Variants in ADAMTSL3 observed in about 807,000 individuals in gnomAD.
ADAMTSL3 encodes ADAMTS like 3.
ADAMTSL3 carries 128 observed loss-of-function variants against 201.7 expected under a neutral mutation model. The observed-to-expected ratio is 0.63, with a 90% CI of 0.55 to 0.73. The LOEUF (loss-of-function observed/expected upper bound fraction) is 0.73. ADAMTSL3 is among the 30% of genes least tolerant of loss of function. The pLI, the probability that ADAMTSL3 is intolerant of heterozygous loss-of-function variation, is 0.00. For missense variants in ADAMTSL3, 1,990 were observed against 2,119.6 expected (o/e 0.94, Z 1.20); for synonymous variants, 738 against 748.4 (o/e 0.99, Z 0.23).
At chr15:83,954,346 A>G (rs1262736337) in intron 19 of ADAMTSL3, among the ~76,000 whole-genome samples, 5 of 152,186 alleles carry the variant, frequency 3.3e-5, no homozygotes, top group Non-Finnish European at 7.4e-5. Context: ...CAGTATGTCA[A>G]TTGTATTTTT....
chr15:83,676,314 T>G (rs2061404555), intron 2 of ADAMTSL3, among the ~76,000 whole-genome samples: 1 of 152,192 alleles, frequency 6.6e-6, no homozygotes, highest in African/African-American at 2.4e-5. Flanking sequence ...TATTAAACAA[T>G]ATTTTTAAGC....
At chr15:83,927,093 A>G (rs889649271) in intron 17 of ADAMTSL3, among the ~76,000 whole-genome samples, 1 of 150,918 alleles carries the variant, frequency 6.6e-6, no homozygotes, top group South Asian at 2.1e-4. Context: ...GAGTTCTACA[A>G]TCCATAAATC....
chr15:83,682,164 G>A (rs2061484563), intron 2 of ADAMTSL3, among the ~76,000 whole-genome samples: 1 of 152,112 alleles, frequency 6.6e-6, no homozygotes, highest in Non-Finnish European at 1.5e-5. Flanking sequence ...TATGTAGCAG[G>A]CTTCTCTGTA....
At chr15:83,689,310 C>T (rs2061582261) in intron 2 of ADAMTSL3, among the ~76,000 whole-genome samples, 1 of 152,084 alleles carries the variant, frequency 6.6e-6, no homozygotes, top group Non-Finnish European at 1.5e-5. Context: ...AGTATCAATA[C>T]CTGTGAAGCT....
chr15:84,013,030 G>T (rs765524), intron 23 of ADAMTSL3, among the ~76,000 whole-genome samples: 24,554 of 152,150 alleles, frequency 0.16, 2,586 homozygotes, highest in Middle Eastern at 0.35. Flanking sequence ...TCTTTGAATA[G>T]AAATTTAGTC....
At chr15:83,831,798 G>A (rs1269188940) in intron 6 of ADAMTSL3, among the ~76,000 whole-genome samples, 1 of 152,170 alleles carries the variant, frequency 6.6e-6, no homozygotes, top group Non-Finnish European at 1.5e-5. Context: ...TGGGAGCCCA[G>A]ACTGGGAACA....
chr15:83,766,457 A>G (rs1403698000), intron 3 of ADAMTSL3, among the ~76,000 whole-genome samples: 1 of 152,246 alleles, frequency 6.6e-6, no homozygotes, highest in Admixed American at 6.5e-5. Flanking sequence ...GCAGAAGTGT[A>G]GCTCTACTTG....
chr15:83,943,184 A>T, intron 19 of ADAMTSL3, 102 bp downstream of exon 19: 2 of 1,355,160 alleles, frequency 1.5e-6, no homozygotes, highest in Non-Finnish European at 2.0e-6. Context: ...CTGTGAGATG[A>T]GTATGGGTCC....
At chr15:84,018,475 A>G (rs983231890) in intron 25 of ADAMTSL3, among the ~76,000 whole-genome samples, 2 of 152,348 alleles carry the variant, frequency 1.3e-5, no homozygotes, top group South Asian at 2.1e-4. Context: ...GGTAAGGGCT[A>G]TGAGATACAC....
intron 16 of ADAMTSL3, 49 bp from the exon 17 acceptor site, chr15:83,923,855 A>T (rs2066193947): frequency 6.2e-7 from 1 of 1,605,550 alleles, no homozygotes; most frequent in Non-Finnish European, 8.5e-7. Flanking sequence ...TTTTTTCCAC[A>T]ATAAATTATT....
At chr15:83,821,652 A>T (rs2063868464) in intron 6 of ADAMTSL3, among the ~76,000 whole-genome samples, 1 of 152,050 alleles carries the variant, frequency 6.6e-6, no homozygotes, top group Admixed American at 6.6e-5. Flanking sequence ...CTTTCTACAC[A>T]GACACGGCAA....
chr15:83,740,003 C>T (rs1428532173), intron 3 of ADAMTSL3: 2 of 413,146 alleles, frequency 4.8e-6, no homozygotes, highest in Non-Finnish European at 1.0e-5. Flanking sequence ...GAACCCATGG[C>T]TGTTGACAGA....
rs1364480548 is a variant in ADAMTSL3 at position 83,690,488 on chromosome 15, C to A, written c.70-13901C>A. On this transcript the variant is annotated intron_variant, in intron 2 of 29. Transcript: ENST00000286744. ...CCCTGTTGTTCTAGAAGATCTGTTC[C>A]TCTGTCCTCTCCATTTTTCTGGCTA... 2.0e-5 allele frequency among the ~76,000 whole-genome samples: 3 copies of A among 152,184 alleles called. No homozygotes were observed. In the East Asian group the frequency reaches 5.8e-4, roughly 29 times the overall value.
At chr15:83,706,644 C>A (rs1337664477) in intron 3 of ADAMTSL3, among the ~76,000 whole-genome samples, 1 of 151,880 alleles carries the variant, frequency 6.6e-6, no homozygotes, top group African/African-American at 2.4e-5. Flanking sequence ...CCTCTTTTTT[C>A]TTTTCTTTTT....
chr15:83,913,764 C>T (rs1037118367), intron 16 of ADAMTSL3, among the ~76,000 whole-genome samples: 7 of 152,138 alleles, frequency 4.6e-5, no homozygotes, highest in African/African-American at 1.7e-4. Flanking sequence ...AGTTTGTCCT[C>T]AGAAAATATT....
chr15:84,012,462 G>A (rs141288497), intron 23 of ADAMTSL3, among the ~76,000 whole-genome samples: 2 of 152,256 alleles, frequency 1.3e-5, no homozygotes, highest in Admixed American at 1.3e-4. Context: ...TTTAAAACTA[G>A]CAATGGTGGG....
chr15:83,845,361 A>T (rs528545455), intron 7 of ADAMTSL3, among the ~76,000 whole-genome samples: 1 of 152,218 alleles, frequency 6.6e-6, no homozygotes, highest in Non-Finnish European at 1.5e-5. Context: ...GAGCTCAGTT[A>T]ATGTTGAACA....
At chr15:83,691,184 G>T (rs368486200) in intron 2 of ADAMTSL3, among the ~76,000 whole-genome samples, 1 of 152,068 alleles carries the variant, frequency 6.6e-6, no homozygotes, top group African/African-American at 2.4e-5. Flanking sequence ...TGACTGCTGG[G>T]TATTTTTCTC....
chr15:83,940,813 T>A (rs1317546335), intron 17 of ADAMTSL3, among the ~76,000 whole-genome samples: 1 of 152,140 alleles, frequency 6.6e-6, no homozygotes, highest in East Asian at 1.9e-4. Flanking sequence ...ATAATATGCA[T>A]AAAATAAAAT....
Sources: gnomAD v4.1 joint callset for allele counts (sites outside exome capture counted in the v4.1 genomes callset) on GRCh38, gnomAD v4.1.1 for gene constraint, MANE v1.5 for transcripts, NCBI Gene and HGNC (gene_info 2026-07-23, HGNC 2026-07-21) for gene names.